The following BICC1 variants were observed in gnomAD, a reference collection of about 807,000 sequenced individuals.
The protein encoded by BICC1 is BicC family RNA binding protein 1.
Under a neutral mutation model 111.0 loss-of-function variants are expected in BICC1, and 43 were observed. The observed-to-expected ratio is 0.39, with a 90% CI of 0.30 to 0.50. The LOEUF (loss-of-function observed/expected upper bound fraction) is 0.50. Ranked by LOEUF, BICC1 falls within the 20% of genes least tolerant of loss-of-function variation. The pLI is 0.88. For missense variants in BICC1, 1,091 were observed against 1,203.2 expected (o/e 0.91, Z 1.38); for synonymous variants, 467 against 434.4 (o/e 1.07, Z -0.93).
intron 1 of BICC1, among the ~76,000 whole-genome samples, chr10:58,595,380 A>G (rs1214462017): frequency 1.3e-5 from 2 of 152,240 alleles, no homozygotes; most frequent in Non-Finnish European, 2.9e-5. Context: ...AGACATCTAC[A>G]GAACTCTCCA....
At chr10:58,598,696 A>C (rs1400627178) in intron 1 of BICC1, among the ~76,000 whole-genome samples, 2 of 152,210 alleles carry the variant, frequency 1.3e-5, no homozygotes, top group Non-Finnish European at 2.9e-5. Flanking sequence ...ACAGCAAAAG[A>C]AACTATCATC....
In BICC1 at chr10:58,801,050, T is replaced by C; in HGVS notation, c.2015+4T>C. Reference sequence around the variant, plus strand: ...GCACGAAAAACTCACACTTACAGTATGTATTTTAATCTTTAAAGAGCCCTT... The same window carrying C: ...GCACGAAAAACTCACACTTACAGTACGTATTTTAATCTTTAAAGAGCCCTT... On this transcript the variant is annotated splice_donor_region_variant and intron_variant, in intron 14 of 20. Transcript: ENST00000373886. The C allele has an allele frequency of 6.3e-6, 10 of 1,591,114 alleles. No individual in the cohort carries two copies. The highest frequency in any genetic ancestry group is 7.7e-6 in the Non-Finnish European group (9 of 1,170,470).
chr10:58,748,650 G>A (rs1317223292), intron 3 of BICC1, among the ~76,000 whole-genome samples: 1 of 152,068 alleles, frequency 6.6e-6, no homozygotes, highest in Non-Finnish European at 1.5e-5. Flanking sequence ...TAGTCTCTTC[G>A]GGCTGAGTGG....
intron 2 of BICC1, among the ~76,000 whole-genome samples, chr10:58,662,715 A>T (rs188763075): frequency 2.0e-4 from 30 of 152,342 alleles, no homozygotes; most frequent in African/African-American, 7.2e-4. Context: ...TGTTGACAAC[A>T]TTGCAGTTTC....
intron 1 of BICC1, among the ~76,000 whole-genome samples, chr10:58,594,180 A>G (rs1844733034): frequency 6.6e-6 from 1 of 152,150 alleles, no homozygotes; most frequent in South Asian, 2.1e-4. Context: ...TAGAGAAAAA[A>G]GGATAAAAAG....
chr10:58,802,374 A>C (rs376897304), intron 14 of BICC1, among the ~76,000 whole-genome samples: 7 of 152,334 alleles, frequency 4.6e-5, no homozygotes, highest in African/African-American at 1.4e-4. Flanking sequence ...AAATAAAATC[A>C]TGAATGAATA....
intron 11 of BICC1, 33 bp from the exon 12 acceptor site, chr10:58,799,023 C>G (rs746331410): frequency 8.5e-6 from 12 of 1,410,932 alleles, no homozygotes; most frequent in Non-Finnish European, 1.1e-5. Context: ...TGAGTTTCTT[C>G]CTAATATCTG....
rs577424121 is a variant in BICC1, at chr10:58,597,172, C to T, written c.191-23683C>T. ...AAAGAGAGCAATTTTACAGCTGGGC[C>T]GCCAGGGGTGACATCACATATCAGT... On this transcript the variant is annotated intron_variant, in intron 1 of 20. Transcript: ENST00000373886. Among the ~76,000 whole-genome samples, 39 of 152,174 alleles carry T rather than the reference C, an allele frequency of 2.6e-4. 1 individual carries two copies. Among genetic ancestry groups the T allele is most frequent in the South Asian group, 1.7e-3 (8 of 4,820 alleles).
At chr10:58,735,646 A>T (rs1281208433) in intron 3 of BICC1, among the ~76,000 whole-genome samples, 1 of 152,194 alleles carries the variant, frequency 6.6e-6, no homozygotes, top group Admixed American at 6.5e-5. Context: ...CACTTTTGGG[A>T]AACTCTTCAA....
intron 2 of BICC1, among the ~76,000 whole-genome samples, chr10:58,661,495 A>G (rs940191242): frequency 6.6e-6 from 1 of 152,130 alleles, no homozygotes; most frequent in African/African-American, 2.4e-5. Context: ...GCTAAATTCC[A>G]TGGCTGTGTG....
At chr10:58,575,574 T>C in intron 1 of BICC1, among the ~76,000 whole-genome samples, 1 of 3,134 alleles carries the variant, frequency 3.2e-4, no homozygotes, top group African/African-American at 5.2e-4. Context: ...AGTAGTTTTT[T>C]TTTGGTTGTT....
At chr10:58,796,667 C>T (rs1843364749) in intron 10 of BICC1, 141 bp downstream of exon 10, 1 of 737,316 alleles carries the variant, frequency 1.4e-6, no homozygotes, top group Non-Finnish European at 2.1e-6. Context: ...AGCCATACAA[C>T]CTGAATCAAT....
intron 2 of BICC1, among the ~76,000 whole-genome samples, chr10:58,698,729 A>G (rs2132438563): frequency 6.6e-6 from 1 of 152,216 alleles, no homozygotes; most frequent in East Asian, 1.9e-4. Flanking sequence ...GCTAATATCA[A>G]GCACTCAGTA....
intron 3 of BICC1, among the ~76,000 whole-genome samples, chr10:58,706,501 G>A (rs531330157): frequency 6.6e-5 from 10 of 152,240 alleles, no homozygotes; most frequent in Admixed American, 5.9e-4. Flanking sequence ...TTCTTAGACT[G>A]GCGAAGGTGA....
At chr10:58,720,258 C>T (rs1840897083) in intron 3 of BICC1, among the ~76,000 whole-genome samples, 1 of 152,200 alleles carries the variant, frequency 6.6e-6, no homozygotes, top group South Asian at 2.1e-4. Context: ...TGTACTCTTT[C>T]TTGCTGTCGT....
intron 1 of BICC1, among the ~76,000 whole-genome samples, chr10:58,618,423 G>A (rs2132129350): frequency 6.6e-6 from 1 of 152,370 alleles, no homozygotes; most frequent in Middle Eastern, 3.4e-3. Context: ...AGCCACTATT[G>A]TCTGTAAAAG....
At chr10:58,572,524 A>G (rs1405232109) in intron 1 of BICC1, among the ~76,000 whole-genome samples, 1 of 152,182 alleles carries the variant, frequency 6.6e-6, no homozygotes, top group East Asian at 1.9e-4. Context: ...GGAGACTAAA[A>G]ATACATTATT....
chr10:58,813,594 AC>A (rs914548775), intron 17 of BICC1, among the ~76,000 whole-genome samples: 6 of 151,956 alleles, frequency 3.9e-5, no homozygotes, highest in African/African-American at 1.5e-4. Context: ...CTCAGAATCT[AC>A]TCCCCATAAT....
intron 1 of BICC1, among the ~76,000 whole-genome samples, chr10:58,566,597 G>T (rs1288187219): frequency 2.0e-5 from 3 of 152,266 alleles, no homozygotes; most frequent in South Asian, 2.1e-4. Context: ...CACAGTGGTT[G>T]TGCTAGTTTA....
Sources: gnomAD v4.1 joint callset for allele counts (sites outside exome capture counted in the v4.1 genomes callset) on GRCh38, gnomAD v4.1.1 for gene constraint, MANE v1.5 for transcripts, NCBI Gene and HGNC (gene_info 2026-07-23, HGNC 2026-07-21) for gene names.